KCNK2: variants seen among roughly 807,000 people sequenced by gnomAD.
KCNK2 encodes the protein potassium two pore domain channel subfamily K member 2.
KCNK2 carries 21 observed loss-of-function variants against 40.5 expected under a neutral mutation model. That is an observed-to-expected ratio of 0.52 (90% CI 0.37 to 0.75). The LOEUF (loss-of-function observed/expected upper bound fraction) is 0.75, where lower values mean the gene tolerates loss of function less well. Among genes scored for constraint, KCNK2 ranks in the 30% least tolerant of loss-of-function variants. KCNK2 has a pLI of 0.00. For missense variants in KCNK2, 399 were observed against 531.6 expected (o/e 0.75, Z 2.45); for synonymous variants, 191 against 202.2 (o/e 0.94, Z 0.47).
chr1:215,174,870 G>A (rs1328596660), intron 5 of KCNK2, among the ~76,000 whole-genome samples: 3 of 152,206 alleles, frequency 2.0e-5, no homozygotes, highest in African/African-American at 7.2e-5. Flanking sequence ...ATTTTGGGCC[G>A]AGACGATGGG....
At chr1:215,039,819 ATCT>A (rs1657504862) in intron 1 of KCNK2, among the ~76,000 whole-genome samples, 1 of 152,160 alleles carries the variant, frequency 6.6e-6, no homozygotes, top group Non-Finnish European at 1.5e-5. Context: ...TGGAGAACTC[ATCT>A]TCTCTGAACA....
chr1:215,226,172 C>A (rs1176892893), intron 6 of KCNK2, among the ~76,000 whole-genome samples: 1 of 152,126 alleles, frequency 6.6e-6, no homozygotes, highest in African/African-American at 2.4e-5. Context: ...ATTGAGGAGG[C>A]AGATTCTAGG....
At chr1:215,005,833 C>G (rs1656107538), upstream of KCNK2, 10 of 1,193,362 alleles carry the variant, frequency 8.4e-6, no homozygotes, top group East Asian at 2.1e-4. Context: ...ACAAGTGACT[C>G]TGTTTTGGAA....
chr1:215,156,319 T>TGCC (rs2102618623), intron 3 of KCNK2, among the ~76,000 whole-genome samples: 1 of 152,294 alleles, frequency 6.6e-6, no homozygotes, highest in Admixed American at 6.5e-5. Context: ...ATGATCCCCT[T>TGCC]GCCGCTTGCA....
chr1:215,173,843 G>T (rs920973694), intron 5 of KCNK2, among the ~76,000 whole-genome samples: 6 of 152,032 alleles, frequency 3.9e-5, no homozygotes, highest in East Asian at 1.9e-4. Flanking sequence ...TAAATTTGTT[G>T]GAGTTCATTG....
At chr1:215,114,560 AG>A (rs1328564245) in intron 2 of KCNK2, among the ~76,000 whole-genome samples, 1 of 152,170 alleles carries the variant, frequency 6.6e-6, no homozygotes, top group Non-Finnish European at 1.5e-5. Flanking sequence ...TAATTGAGAA[AG>A]GCGGGGGAAA....
intron 2 of KCNK2, among the ~76,000 whole-genome samples, chr1:215,097,423 T>G (rs1039690501): frequency 2.6e-5 from 4 of 151,636 alleles, no homozygotes; most frequent in African/African-American, 9.7e-5. Context: ...ACTTTCCTTT[T>G]TTTCTTAAAA....
At chr1:215,215,812 G>A (rs1214576421) in intron 6 of KCNK2, among the ~76,000 whole-genome samples, 3 of 152,098 alleles carry the variant, frequency 2.0e-5, no homozygotes, top group African/African-American at 7.2e-5. Flanking sequence ...ACAGGCCCAC[G>A]GCACTTCTGA....
intron 1 of KCNK2, among the ~76,000 whole-genome samples, chr1:215,042,117 C>T (rs1186453139): frequency 6.6e-6 from 1 of 152,144 alleles, no homozygotes; most frequent in African/African-American, 2.4e-5. Flanking sequence ...GGTTCCCTCC[C>T]ATGACTCGTG....
chr1:215,210,417 G>T (rs1225817250), intron 6 of KCNK2, among the ~76,000 whole-genome samples: 1 of 151,918 alleles, frequency 6.6e-6, no homozygotes, highest in Non-Finnish European at 1.5e-5. Context: ...AGTGCAGTAT[G>T]CAAACTACAC....
intron 2 of KCNK2, among the ~76,000 whole-genome samples, chr1:215,115,443 C>T (rs951087347): frequency 2.0e-5 from 3 of 152,076 alleles, no homozygotes; most frequent in African/African-American, 7.2e-5. Context: ...AAATTCAGGC[C>T]TTAGAAAAAT....
At chr1:215,161,905 A>T (rs1663214849) in intron 3 of KCNK2, among the ~76,000 whole-genome samples, 1 of 152,164 alleles carries the variant, frequency 6.6e-6, no homozygotes, top group Admixed American at 6.5e-5. Flanking sequence ...ATGTGTCTTT[A>T]TTGTAGAATG....
At chr1:215,093,792 T>C (rs1410580740) in intron 2 of KCNK2, among the ~76,000 whole-genome samples, 6 of 13,642 alleles carry the variant, frequency 4.4e-4, no homozygotes, top group Non-Finnish European at 1.7e-3. Context: ...TATTATATAT[T>C]ATATAATATA....
At chr1:215,052,231 G>T (rs1475329024) in intron 1 of KCNK2, among the ~76,000 whole-genome samples, 1 of 152,158 alleles carries the variant, frequency 6.6e-6, no homozygotes, top group Non-Finnish European at 1.5e-5. Flanking sequence ...GGGGCAGGTT[G>T]GTTCTAGGTG....
upstream of KCNK2, among the ~76,000 whole-genome samples, chr1:215,081,583 C>CT (rs930623964): frequency 7.2e-5 from 11 of 152,096 alleles, no homozygotes; most frequent in South Asian, 2.1e-4. Context: ...GATTTACAAG[C>CT]TTTTTTTCCC....
At chr1:215,194,315 G>T (rs1664781702) in intron 5 of KCNK2, among the ~76,000 whole-genome samples, 1 of 152,036 alleles carries the variant, frequency 6.6e-6, no homozygotes, top group South Asian at 2.1e-4. Context: ...GAGAGCTACG[G>T]TTTTATTTTA....
intron 1 of KCNK2, among the ~76,000 whole-genome samples, chr1:215,070,587 A>T (rs777889830): frequency 2.0e-5 from 3 of 152,066 alleles, no homozygotes; most frequent in Non-Finnish European, 4.4e-5. Context: ...CCTTCATAAC[A>T]CCATCAGATT....
Position 215,235,515 on chromosome 1 carries a change from C to T in KCNK2, c.*370C>T, listed in dbSNP as rs1216562317. The T allele has an allele frequency of 5.7e-6, 1 of 175,074 alleles. No individual in the cohort carries two copies. The highest frequency in any genetic ancestry group is 1.5e-4 in the East Asian group (1 of 6,542). 10.8% of individuals were successfully genotyped at this position (175,074 alleles called of 1,614,324 possible). A position where few individuals can be genotyped will look rare whatever the true frequency, so the allele number is the denominator to read the frequency against. On this transcript the variant is annotated 3_prime_UTR_variant, in exon 7 of 7. Coordinates refer to ENST00000444842, the MANE Select transcript of KCNK2 (RefSeq NM_001017425.3). The stretch of plus-strand genomic sequence containing the variant: ...CAGTTCTTAACTTTTCAGGGTCTAC[C>T]TAACTGAGCCTAGATATGGACCATT...
chr1:215,170,333 ATGC>A (rs1663649891), intron 4 of KCNK2, among the ~76,000 whole-genome samples: 1 of 152,166 alleles, frequency 6.6e-6, no homozygotes, highest in African/African-American at 2.4e-5. Flanking sequence ...AAAAATGAAA[ATGC>A]TTTTGTTAGA....
Sources: allele counts gnomAD v4.1 joint callset (sites outside exome capture counted in the v4.1 genomes callset), GRCh38; gene constraint gnomAD v4.1.1; transcripts MANE v1.5; gene names NCBI Gene and HGNC (gene_info 2026-07-23, HGNC 2026-07-21).